The following SEPTIN7 variants were observed in gnomAD, a reference collection of about 807,000 sequenced individuals.
SEPTIN7 encodes septin-7.
SEPTIN7 carries 10 observed loss-of-function variants against 63.3 expected under a neutral mutation model. That is an observed-to-expected ratio of 0.16 (90% CI 0.10 to 0.27). The LOEUF is 0.27. SEPTIN7 is among the 10% of genes least tolerant of loss of function. SEPTIN7 has a pLI of 1.00. For missense variants in SEPTIN7, 310 were observed against 521.0 expected, an observed-to-expected ratio of 0.59 and a Z score of 3.94; for synonymous variants, 131 against 165.3, an observed-to-expected ratio of 0.79 and a Z score of 1.59.
intron 6 of SEPTIN7, among the ~76,000 whole-genome samples, chr7:35,878,226 G>T (rs1463213682): frequency 6.6e-6 from 1 of 152,010 alleles, no homozygotes; most frequent in African/African-American, 2.4e-5. Context: ...GTGGAAATTG[G>T]ATCATAAGCC....
chr7:35,851,040 A>T (rs958174736), intron 3 of SEPTIN7, among the ~76,000 whole-genome samples: 1 of 152,138 alleles, frequency 6.6e-6, no homozygotes, highest in African/African-American at 2.4e-5. Context: ...TAGCTATTAT[A>T]AACAAATATT....
chr7:35,802,842 A>G (rs1192826968), intron 1 of SEPTIN7, among the ~76,000 whole-genome samples: 17 of 152,200 alleles, frequency 1.1e-4, no homozygotes, highest in African/African-American at 4.1e-4. Flanking sequence ...GCGGGAGAGC[A>G]GTAAACAATC....
chr7:35,860,534 G>A lies in SEPTIN7; in HGVS notation c.170-3018G>A, dbSNP rs147661880. Among the ~76,000 whole-genome samples the A allele has an allele frequency of 4.6e-5, 7 of 152,272 alleles. No homozygotes were observed. The East Asian group carries it at 1.2e-3, about 25-fold the overall frequency. ...CAGTATTTCTTGTAGTACATGTGTA[G>A]TGATAATGAACCTCCCTCAGGTTTT... On this transcript the variant is annotated intron_variant, in intron 3 of 13. Coordinates refer to ENST00000350320, the MANE Select transcript of SEPTIN7 (RefSeq NM_001788.6).
the SEPTIN7 span, among the ~76,000 whole-genome samples, chr7:35,913,539 CCTT>C: frequency 6.8e-6 from 1 of 148,074 alleles, no homozygotes; most frequent in Admixed American, 6.8e-5. Context: ...TTCCTTCCTT[CCTT>C]CTTTCCTTCC....
intron 6 of SEPTIN7, among the ~76,000 whole-genome samples, chr7:35,875,369 A>G (rs990637920): frequency 6.6e-6 from 1 of 152,188 alleles, no homozygotes; most frequent in African/African-American, 2.4e-5. Flanking sequence ...AAGGAATATG[A>G]CACAGAATTT....
chr7:35,852,087 GA>G (rs1304098779), intron 3 of SEPTIN7, among the ~76,000 whole-genome samples: 1 of 152,212 alleles, frequency 6.6e-6, no homozygotes, highest in East Asian at 1.9e-4. Context: ...GAGAAAATGT[GA>G]ATAGTAATAA....
At chr7:35,854,847 AT>A (rs1354720173) in intron 3 of SEPTIN7, among the ~76,000 whole-genome samples, 1 of 152,118 alleles carries the variant, frequency 6.6e-6, no homozygotes, top group Non-Finnish European at 1.5e-5. Context: ...AAGAAGAAAA[AT>A]TTAAATGTTT....
chr7:35,840,470 G>T lies in SEPTIN7; in HGVS notation c.169+7570G>T, dbSNP rs571756112. On this transcript the variant is annotated intron_variant, in intron 3 of 13. Transcript: ENST00000350320. ...ACAAAATTTGTTTTGTAGAGATGGG[G>T]TCTCACTGTGTTGCCCAGGCTAACC... 5.3e-5 allele frequency among the ~76,000 whole-genome samples: 8 copies of T among 151,636 alleles called. No homozygotes were observed. In the South Asian group the frequency reaches 1.7e-3, roughly 32 times the overall value.
At chr7:35,827,536 G>T (rs1190422342) in intron 1 of SEPTIN7, among the ~76,000 whole-genome samples, 1 of 151,970 alleles carries the variant, frequency 6.6e-6, no homozygotes, top group East Asian at 1.9e-4. Context: ...TGTCATCCAG[G>T]TTGGAGTGCA....
chr7:35,875,772 T>A (rs986471417), intron 6 of SEPTIN7, among the ~76,000 whole-genome samples: 2 of 151,860 alleles, frequency 1.3e-5, no homozygotes, highest in African/African-American at 4.8e-5. Flanking sequence ...TTTTCTCTTA[T>A]ACATACATAC....
At chr7:35,885,048 C>T (rs979445752) in intron 9 of SEPTIN7, among the ~76,000 whole-genome samples, 1 of 151,824 alleles carries the variant, frequency 6.6e-6, no homozygotes, top group Non-Finnish European at 1.5e-5. Context: ...CAAGGTCTTG[C>T]TATGTTGCCC....
At chr7:35,879,259 T>A (rs1786681062) in intron 6 of SEPTIN7, among the ~76,000 whole-genome samples, 1 of 152,092 alleles carries the variant, frequency 6.6e-6, no homozygotes, top group Non-Finnish European at 1.5e-5. Flanking sequence ...GGAAGAGGAC[T>A]ACCATTTTTC....
chr7:35,858,955 C>T (rs1478526315), intron 3 of SEPTIN7, among the ~76,000 whole-genome samples: 3 of 152,168 alleles, frequency 2.0e-5, no homozygotes, highest in Non-Finnish European at 4.4e-5. Context: ...GCTGGGATTA[C>T]AGGCGTGAGC....
At chr7:35,879,707 G>T in intron 6 of SEPTIN7, 116 bp from the exon 7 acceptor site, 1 of 669,224 alleles carries the variant, frequency 1.5e-6, no homozygotes, top group Non-Finnish European at 2.7e-6. Context: ...CATCTTCAGA[G>T]TGTTTCTGAT....
chr7:35,848,528 GGAATGTGTATT>G (rs1190985162), intron 3 of SEPTIN7, among the ~76,000 whole-genome samples: 1 of 151,980 alleles, frequency 6.6e-6, no homozygotes, highest in Non-Finnish European at 1.5e-5. Flanking sequence ...TTTTTAAGGA[GGAATGTGTATT>G]GAATGATCAA....
At chr7:35,889,700 C>T (rs533399995) in intron 10 of SEPTIN7, among the ~76,000 whole-genome samples, 3 of 152,076 alleles carry the variant, frequency 2.0e-5, no homozygotes, top group Non-Finnish European at 4.4e-5. Context: ...CTTGCCACCA[C>T]GCCCAACTGA....
At chr7:35,898,453 T>G (rs1302668045) in intron 12 of SEPTIN7, 70 bp downstream of exon 12, 11 of 992,972 alleles carry the variant, frequency 1.1e-5, no homozygotes, top group Non-Finnish European at 1.6e-5. Flanking sequence ...TCAGTAAAAT[T>G]TATAGATAAT....
intron 11 of SEPTIN7, among the ~76,000 whole-genome samples, chr7:35,892,769 A>G (rs987334390): frequency 1.1e-4 from 17 of 151,544 alleles, no homozygotes; most frequent in African/African-American, 3.9e-4. Context: ...AGGTGAAAAC[A>G]TAATTAGTAG....
At chr7:35,901,994 C>T (rs768242143) in intron 12 of SEPTIN7, 6 of 150,278 alleles carry the variant, frequency 4.0e-5, no homozygotes, top group East Asian at 1.9e-4. Flanking sequence ...GAAGTCACTT[C>T]GGGCTTGCAA....
Sources: allele counts gnomAD v4.1 joint callset (sites outside exome capture counted in the v4.1 genomes callset), GRCh38; gene constraint gnomAD v4.1.1; transcripts MANE v1.5; gene names NCBI Gene and HGNC (gene_info 2026-07-23, HGNC 2026-07-21).